The following PCGF5 variants were observed in gnomAD, a reference collection of about 807,000 sequenced individuals.
The protein encoded by PCGF5 is polycomb group ring finger 5, also known as polycomb group RING finger protein 5.
In PCGF5, 9 loss-of-function variants were observed where a neutral mutation model predicts 44.3. The ratio of observed to expected loss-of-function variants is 0.20; its 90% CI spans 0.12 to 0.35. PCGF5 has a LOEUF of 0.35. Among genes scored for constraint, PCGF5 ranks in the 10% least tolerant of loss-of-function variants. The probability of loss-of-function intolerance (pLI) is 1.00; values close to 1 mark genes in which losing one functional copy is unlikely to be tolerated. For missense variants in PCGF5, 146 were observed against 305.3 expected (o/e 0.48, Z 3.89); for synonymous variants, 95 against 102.5 (o/e 0.93, Z 0.44).
chr10:91,186,709 A>G (rs1160097547), intron 1 of PCGF5, among the ~76,000 whole-genome samples: 1 of 152,134 alleles, frequency 6.6e-6, no homozygotes, highest in Non-Finnish European at 1.5e-5. Flanking sequence ...AGATTCAACT[A>G]GGGATGTACT....
chr10:91,178,415 G>A (rs1843753286), intron 1 of PCGF5, among the ~76,000 whole-genome samples: 1 of 149,840 alleles, frequency 6.7e-6, no homozygotes, highest in South Asian at 2.1e-4. Flanking sequence ...TTTGAGATAG[G>A]GTCTTGCTCT....
intron 6 of PCGF5, among the ~76,000 whole-genome samples, chr10:91,257,199 G>A (rs767413417): frequency 5.9e-5 from 9 of 151,958 alleles, no homozygotes; most frequent in Non-Finnish European, 8.8e-5. Context: ...ATAAGCACAG[G>A]AAAAGTTGCT....
intron 1 of PCGF5, among the ~76,000 whole-genome samples, chr10:91,209,221 T>G (rs1229660216): frequency 2.0e-5 from 3 of 152,234 alleles, no homozygotes; most frequent in Non-Finnish European, 4.4e-5. Context: ...ATATTTTCCC[T>G]TAGTCTATTA....
upstream of PCGF5, chr10:91,220,513 G>C (rs373083726): frequency 6.6e-6 from 1 of 152,278 alleles, no homozygotes; most frequent in Non-Finnish European, 1.5e-5. Flanking sequence ...CAGCGCAGGC[G>C]GCAGGCGCGG....
rs147733453 is a variant in PCGF5, at chr10:91,282,551, C to T, written c.*4235C>T. The T allele has an allele frequency of 2.2e-3, 342 of 152,726 alleles. No individual in the cohort carries two copies. Among genetic ancestry groups the T allele is most frequent in the Non-Finnish European group, 3.6e-3 (244 of 68,030 alleles). 9.5% of individuals were successfully genotyped at this position (152,726 alleles called of 1,614,324 possible). A position where few individuals can be genotyped will look rare whatever the true frequency, so the allele number is the denominator to read the frequency against. ...TTATTGTTATTAGAATTTAGCCATA[C>T]AGCCAACTTTGACAAAATGGGTCAC... On this transcript the variant is annotated 3_prime_UTR_variant, in exon 10 of 10. Transcript: ENST00000336126.
At chr10:91,179,997 C>T (rs529207571) in intron 1 of PCGF5, among the ~76,000 whole-genome samples, 2 of 152,252 alleles carry the variant, frequency 1.3e-5, no homozygotes, top group African/African-American at 4.8e-5. Context: ...TTTCCACAAA[C>T]TCACCAGCAC....
In PCGF5 at chr10:91,239,326, A is replaced by G. The variant is rs187052555; in HGVS notation, c.113-1158A>G. ...TAAACAAACAAGAGGAAATGCTGCT[A>G]ATCTCTGTATGTACTAAATGATTTT... On this transcript the variant is annotated intron_variant, in intron 2 of 9. Coordinates refer to ENST00000336126, the MANE Select transcript of PCGF5 (RefSeq NM_032373.5). 1.8e-3 allele frequency among the ~76,000 whole-genome samples: 271 copies of G among 152,326 alleles called. 1 individual carries two copies. The highest frequency in any genetic ancestry group is 3.2e-3 in the Non-Finnish European group (217 of 68,022).
At chr10:91,244,193 G>A (rs755932375) in intron 3 of PCGF5, among the ~76,000 whole-genome samples, 15 of 152,136 alleles carry the variant, frequency 9.9e-5, no homozygotes. Flanking sequence ...TGAAGTGGGG[G>A]CAGATTGCAA....
chr10:91,210,575 A>C (rs550103585), intron 1 of PCGF5, among the ~76,000 whole-genome samples: 2 of 152,352 alleles, frequency 1.3e-5, no homozygotes, highest in African/African-American at 4.8e-5. Flanking sequence ...GGGCCAGCAG[A>C]ACCTGTGGTC....
At chr10:91,192,925 C>A (rs1320123120) in intron 1 of PCGF5, among the ~76,000 whole-genome samples, 1 of 151,664 alleles carries the variant, frequency 6.6e-6, no homozygotes, top group Non-Finnish European at 1.5e-5. Flanking sequence ...AAGGGACTTT[C>A]CAGACCTAAT....
At chr10:91,182,629 G>A (rs1024228786) in intron 1 of PCGF5, among the ~76,000 whole-genome samples, 4 of 152,004 alleles carry the variant, frequency 2.6e-5, no homozygotes, top group African/African-American at 9.7e-5. Flanking sequence ...TTTTAGTTGT[G>A]ATGTTAAGTT....
At chr10:91,181,061 C>T (rs1366815727) in intron 1 of PCGF5, among the ~76,000 whole-genome samples, 2 of 152,062 alleles carry the variant, frequency 1.3e-5, no homozygotes, top group African/African-American at 4.8e-5. Context: ...AGATCTTTCA[C>T]CTCCCTAGTT....
At chr10:91,185,812 G>A (rs10437469) in intron 1 of PCGF5, among the ~76,000 whole-genome samples, 28,546 of 151,856 alleles carry the variant, frequency 0.19, 3,203 homozygotes, top group East Asian at 0.49. Context: ...GCTTCCCTGG[G>A]CAGGGGAGAT....
intron 1 of PCGF5, among the ~76,000 whole-genome samples, chr10:91,194,619 A>G (rs1018181432): frequency 2.6e-5 from 4 of 152,214 alleles, no homozygotes; most frequent in Non-Finnish European, 5.9e-5. Flanking sequence ...TCACAGCAAT[A>G]TAAAATGAAT....
At chr10:91,260,513 A>G (rs1338249838) in intron 6 of PCGF5, among the ~76,000 whole-genome samples, 1 of 152,158 alleles carries the variant, frequency 6.6e-6, no homozygotes, top group Non-Finnish European at 1.5e-5. Flanking sequence ...ATGCACACAT[A>G]TGTTTATTGT....
Position 91,281,481 on chromosome 10 carries a change from A to G in PCGF5, c.*3165A>G, listed in dbSNP as rs1374990557. 6.5e-6 allele frequency: 1 copy of G among 152,736 alleles called. No individual in the cohort carries two copies. The highest frequency in any genetic ancestry group is 2.4e-5 in the African/African-American group (1 of 41,604). 9.5% of individuals were successfully genotyped at this position (152,736 alleles called of 1,614,324 possible). ...TTACTAAAGTGCATTTCTGTTTTAA[A>G]TTTACTGCATAAAGTTTGAGTTATC... On this transcript the variant is annotated 3_prime_UTR_variant, in exon 10 of 10. Transcript: ENST00000336126.
chr10:91,253,547 T>C (rs149434965), intron 6 of PCGF5, among the ~76,000 whole-genome samples: 1 of 152,212 alleles, frequency 6.6e-6, no homozygotes, highest in Admixed American at 6.6e-5. Context: ...GGTCCAAACA[T>C]GCAGTTTTAG....
rs1045985473 is a variant in PCGF5, at chr10:91,283,120, G to A, written c.*4804G>A. On this transcript the variant is annotated 3_prime_UTR_variant, in exon 10 of 10. Coordinates refer to ENST00000336126, the MANE Select transcript of PCGF5 (RefSeq NM_032373.5). The stretch of plus-strand genomic sequence containing the variant: ...CAAATGTACTTAAATGTACAATACA[G>A]TGTTCAATAGTTTTTATTGCAGTGA... 7.9e-5 allele frequency: 12 copies of A among 152,132 alleles called. No homozygotes were observed. Among genetic ancestry groups the A allele is most frequent in the Non-Finnish European group, 2.9e-5 (2 of 68,022 alleles). 9.4% of individuals were successfully genotyped at this position (152,132 alleles called of 1,614,324 possible).
At chr10:91,187,311 C>T (rs1158233191) in intron 1 of PCGF5, among the ~76,000 whole-genome samples, 6 of 152,052 alleles carry the variant, frequency 3.9e-5, no homozygotes, top group Non-Finnish European at 1.5e-5. Flanking sequence ...ACAAGCTCTG[C>T]ACACTTTTGC....
Sources: gnomAD v4.1 joint callset for allele counts (sites outside exome capture counted in the v4.1 genomes callset) on GRCh38, gnomAD v4.1.1 for gene constraint, MANE v1.5 for transcripts, NCBI Gene and HGNC (gene_info 2026-07-23, HGNC 2026-07-21) for gene names.